The following BCAS3 variants were observed in gnomAD, a reference collection of about 807,000 sequenced individuals.
BCAS3 encodes BCAS4/BCAS3 fusion.
BCAS3 carries 53 observed loss-of-function variants against 116.1 expected under a neutral mutation model. That is an observed-to-expected ratio of 0.46 (90% CI 0.37 to 0.57). The LOEUF (loss-of-function observed/expected upper bound fraction) is 0.57, where lower values mean the gene tolerates loss of function less well. Among genes scored for constraint, BCAS3 ranks in the 20% least tolerant of loss-of-function variants. The pLI is 0.00. For missense variants in BCAS3, 917 were observed against 1,165.4 expected (o/e 0.79, Z 3.10); for synonymous variants, 391 against 408.2 (o/e 0.96, Z 0.51).
Position 61,100,531 on chromosome 17 carries a change from T to C in BCAS3, c.2425+15967T>C, listed in dbSNP as rs114371103. Among the ~76,000 whole-genome samples, 314 of 152,338 alleles carry C rather than the reference T, an allele frequency of 2.1e-3. 2 individuals carry two copies. Among genetic ancestry groups the C allele is most frequent in the African/African-American group, 7.1e-3 (295 of 41,586 alleles). On this transcript the variant is annotated intron_variant, in intron 22 of 23. Coordinates refer to ENST00000407086, the MANE Select transcript of BCAS3 (RefSeq NM_017679.5). Reference sequence around the variant, plus strand: ...ACTTTCTCATGTGTTCTTAAACTTTTACTGTTATGTGTACCATCTGATATT... The same window carrying C: ...ACTTTCTCATGTGTTCTTAAACTTTCACTGTTATGTGTACCATCTGATATT...
At chr17:60,787,827 G>C (rs1234086589) in intron 6 of BCAS3, among the ~76,000 whole-genome samples, 5 of 152,020 alleles carry the variant, frequency 3.3e-5, no homozygotes, top group Non-Finnish European at 7.4e-5. Context: ...CTCCAGTATG[G>C]GTGCAGAGTG....
At chr17:60,736,847 A>G (rs1387626994) in intron 5 of BCAS3, among the ~76,000 whole-genome samples, 1 of 151,880 alleles carries the variant, frequency 6.6e-6, no homozygotes, top group South Asian at 2.1e-4. Context: ...TTTAATGTCC[A>G]TGGGATCTTT....
At position 61,276,175 on chromosome 17, in the gene BCAS3, C is replaced by T. The variant is rs111961265; in HGVS notation, c.2426-92152C>T. On this transcript the variant is annotated intron_variant, in intron 22 of 23. Transcript: ENST00000407086. The surrounding 1 kb of genome is among the most constrained non-coding windows in gnomAD (Gnocchi z 4.2). ...ACCAGGCTGACCAACATGGTGAAAC[C>T]CCATTTCTACTAAAGATACATTAAA... Among the ~76,000 whole-genome samples the T allele has an allele frequency of 8.1e-3, 1,224 of 152,000 alleles. 14 individuals carry two copies. Among genetic ancestry groups the T allele is most frequent in the African/African-American group, 0.028 (1,142 of 41,418 alleles).
chr17:60,961,051 C>T lies in BCAS3; in HGVS notation c.1221+13699C>T, dbSNP rs992386378. The stretch of plus-strand genomic sequence containing the variant: ...TGGCCTTCAGAGCACATTTTCCCAA[C>T]CATGAAACTCCTCATAGTAACATCT... On this transcript the variant is annotated intron_variant, in intron 14 of 23. Transcript: ENST00000407086. This position sits in a 1 kb window ranked among gnomAD's most constrained non-coding sequence, Gnocchi z 4.8. Among the ~76,000 whole-genome samples, 1 of 152,008 alleles carries T rather than the reference C, an allele frequency of 6.6e-6. No individual in the cohort carries two copies.
intron 14 of BCAS3, among the ~76,000 whole-genome samples, chr17:60,976,241 G>A (rs1414405946): frequency 6.6e-6 from 1 of 150,862 alleles, no homozygotes; most frequent in African/African-American, 2.4e-5. Context: ...AGCCAGGATG[G>A]TCTCAATCTC....
rs2143517212 is a variant in BCAS3 at position 61,368,751 on chromosome 17, C to G, written c.2593+257C>G. On this transcript the variant is annotated intron_variant, in intron 23 of 23. Coordinates refer to ENST00000407086, the MANE Select transcript of BCAS3 (RefSeq NM_017679.5). This position sits in a 1 kb window ranked among gnomAD's most constrained non-coding sequence, Gnocchi z 6.0. ...GATCAACACCACTGTGCAAGTGGCT[C>G]CCAGAAGGACACTTTCCTCCTTTGG... Among the ~76,000 whole-genome samples, 1 of 152,308 alleles carries G rather than the reference C, an allele frequency of 6.6e-6. No homozygotes were observed. Among genetic ancestry groups the G allele is most frequent in the East Asian group, 1.9e-4 (1 of 5,178 alleles).
chr17:60,894,046 CATTTT>C (rs199890655), intron 10 of BCAS3, among the ~76,000 whole-genome samples: 5 of 152,036 alleles, frequency 3.3e-5, no homozygotes, highest in African/African-American at 9.7e-5. Context: ...TGCCCCACCC[CATTTT>C]ATTTTATTTT....
intron 14 of BCAS3, among the ~76,000 whole-genome samples, chr17:60,985,549 A>T (rs1324926949): frequency 6.6e-6 from 1 of 152,144 alleles, no homozygotes; most frequent in African/African-American, 2.4e-5. Context: ...TATTCTATTT[A>T]AAAATGTAGA....
intron 6 of BCAS3, among the ~76,000 whole-genome samples, chr17:60,800,850 A>G (rs898084340): frequency 6.6e-6 from 1 of 151,856 alleles, no homozygotes; most frequent in Non-Finnish European, 1.5e-5. Flanking sequence ...TTGCTTTTAC[A>G]CCTTTGTAAA....
In BCAS3 at chr17:61,258,329, C is replaced by G. The variant is rs909003193; in HGVS notation, c.2426-109998C>G. Among the ~76,000 whole-genome samples, 2 of 152,164 alleles carry G rather than the reference C, an allele frequency of 1.3e-5. No homozygotes were observed. The highest frequency in any genetic ancestry group is 2.9e-5 in the Non-Finnish European group (2 of 68,032). On this transcript the variant is annotated intron_variant, in intron 22 of 23. Transcript: ENST00000407086. The surrounding 1 kb of genome is among the most constrained non-coding windows in gnomAD (Gnocchi z 4.7). ...TCATTGTGGAAAGGGGTTGTTACTT[C>G]GTGCCTTTAGATATCCACCATAATG...
At chr17:60,768,987 G>T (rs1340313328) in intron 6 of BCAS3, among the ~76,000 whole-genome samples, 1 of 152,170 alleles carries the variant, frequency 6.6e-6, no homozygotes, top group East Asian at 1.9e-4. Context: ...GACAAGTTAG[G>T]CAGGTCTGTC....
intron 11 of BCAS3, among the ~76,000 whole-genome samples, chr17:60,908,841 ATAT>A (rs2058333501): frequency 6.6e-6 from 1 of 152,092 alleles, no homozygotes; most frequent in African/African-American, 2.4e-5. Flanking sequence ...ATTTATTAGT[ATAT>A]TATTATGGAT....
chr17:61,218,472 A>G (rs2081932078), intron 22 of BCAS3, among the ~76,000 whole-genome samples: 1 of 152,230 alleles, frequency 6.6e-6, no homozygotes, highest in Admixed American at 6.5e-5. Flanking sequence ...ACAATCCTGT[A>G]TGTAAAGCTA....
In BCAS3 at chr17:61,097,304, G is replaced by A. The variant is rs924006991; in HGVS notation, c.2425+12740G>A. Among the ~76,000 whole-genome samples, 3 of 151,992 alleles carry A rather than the reference G, an allele frequency of 2.0e-5. No homozygotes were observed. Among genetic ancestry groups the A allele is most frequent in the African/African-American group, 7.2e-5 (3 of 41,446 alleles). On this transcript the variant is annotated intron_variant, in intron 22 of 23. Transcript: ENST00000407086. This position sits in a 1 kb window ranked among gnomAD's most constrained non-coding sequence, Gnocchi z 4.0. The stretch of plus-strand genomic sequence containing the variant: ...TGCCATTCTCTTGCCTCAGCCTCCC[G>A]AGTAGCTGGGACTACAGGCGCCCGC...
chr17:61,369,720 G>C (rs2058947247), intron 23 of BCAS3, among the ~76,000 whole-genome samples: 1 of 152,222 alleles, frequency 6.6e-6, no homozygotes, highest in African/African-American at 2.4e-5. Flanking sequence ...AGGTGCAAGG[G>C]AGGAAGAGGG....
At chr17:60,996,342 T>C (rs1295897849) in intron 15 of BCAS3, among the ~76,000 whole-genome samples, 1 of 152,206 alleles carries the variant, frequency 6.6e-6, no homozygotes, top group Non-Finnish European at 1.5e-5. Flanking sequence ...AAGTTGTTTA[T>C]AGTGAAGACT....
chr17:61,099,479 T>TCAA (rs2074188134), intron 22 of BCAS3, among the ~76,000 whole-genome samples: 1 of 152,238 alleles, frequency 6.6e-6, no homozygotes, highest in Non-Finnish European at 1.5e-5. Context: ...AACCTGGTCC[T>TCAA]CAGTTAGGTT....
rs768218559 is a variant in BCAS3 at position 61,034,628 on chromosome 17, C to A, written c.1638-38C>A. ...ATTACCTAAAGGAGTATCATTTCAT[C>A]ATGATAATTGTTTTTTACTCTTATT... is the stretch of plus-strand genomic sequence containing the variant. On this transcript the variant is annotated intron_variant, in intron 16 of 23. Transcript: ENST00000407086. The surrounding 1 kb of genome is among the most constrained non-coding windows in gnomAD (Gnocchi z 5.0). 4.5e-6 allele frequency: 7 copies of A among 1,539,662 alleles called. No homozygotes were observed. In the East Asian group the frequency reaches 1.4e-4, roughly 30 times the overall value.
intron 6 of BCAS3, among the ~76,000 whole-genome samples, chr17:60,765,323 T>C (rs571894036): frequency 4.6e-5 from 7 of 152,228 alleles, no homozygotes; most frequent in Admixed American, 1.3e-4. Context: ...TTGCAGTGGC[T>C]GGTACCGGTT....
Sources: allele counts gnomAD v4.1 joint callset (sites outside exome capture counted in the v4.1 genomes callset), GRCh38; gene constraint gnomAD v4.1.1; non-coding constraint Gnocchi (gnomAD v3.1); transcripts MANE v1.5; gene names NCBI Gene and HGNC (gene_info 2026-07-23, HGNC 2026-07-21).